Variants in FAM149B1 observed in about 807,000 individuals in gnomAD.
The protein encoded by FAM149B1 is primary cilium assembly protein FAM149B1.
FAM149B1 carries 56 observed loss-of-function variants against 75.3 expected under a neutral mutation model. The observed-to-expected ratio is 0.74, with a 90% CI of 0.60 to 0.93. The LOEUF is 0.93. Ranked by LOEUF, FAM149B1 falls within the 40% of genes least tolerant of loss-of-function variation. The pLI is 0.00. For missense variants in FAM149B1, 639 were observed against 708.4 expected (o/e 0.90, Z 1.11); for synonymous variants, 259 against 256.1 (o/e 1.01, Z -0.11).
chr10:73,229,800 C>T (rs2043642231), intron 8 of FAM149B1, among the ~76,000 whole-genome samples: 1 of 152,138 alleles, frequency 6.6e-6, no homozygotes, highest in Non-Finnish European at 1.5e-5. Context: ...AAGGAAAATA[C>T]ATTCTGTGGC....
chr10:73,193,965 G>A (rs1368616942), intron 5 of FAM149B1, among the ~76,000 whole-genome samples: 1 of 152,094 alleles, frequency 6.6e-6, no homozygotes, highest in Non-Finnish European at 1.5e-5. Context: ...GCAGTACAGG[G>A]ACTCACATGG....
intron 12 of FAM149B1, among the ~76,000 whole-genome samples, chr10:73,238,199 T>C (rs1224068575): frequency 6.6e-6 from 1 of 151,842 alleles, no homozygotes; most frequent in African/African-American, 2.4e-5. Flanking sequence ...ACAAGAAAAT[T>C]AGCCAGGCAT....
intron 7 of FAM149B1, among the ~76,000 whole-genome samples, chr10:73,226,611 A>C (rs761099202): frequency 1.8e-4 from 27 of 152,198 alleles, no homozygotes; most frequent in Non-Finnish European, 1.6e-4. Flanking sequence ...TTTGAGCCTC[A>C]GTTTATCTAT....
At chr10:73,217,282 A>G (rs2043318243) in intron 7 of FAM149B1, among the ~76,000 whole-genome samples, 1 of 152,216 alleles carries the variant, frequency 6.6e-6, no homozygotes, top group Non-Finnish European at 1.5e-5. Context: ...GGAGGCATAC[A>G]TATTTTTTTC....
chr10:73,197,740 A>G (rs2042841361), intron 5 of FAM149B1, among the ~76,000 whole-genome samples: 1 of 152,070 alleles, frequency 6.6e-6, no homozygotes, highest in Admixed American at 6.6e-5. Context: ...ACTGCACTCC[A>G]GCCTGGTGAC....
chr10:73,199,230 G>GTTA (rs2042878483), intron 5 of FAM149B1, among the ~76,000 whole-genome samples: 1 of 151,624 alleles, frequency 6.6e-6, no homozygotes, highest in Non-Finnish European at 1.5e-5. Context: ...TGTTGTTGTT[G>GTTA]TTGTTGAGAT....
At chr10:73,230,642 G>A (rs2043669740) in intron 9 of FAM149B1, 117 bp downstream of exon 9, 1 of 637,326 alleles carries the variant, frequency 1.6e-6, no homozygotes, top group Non-Finnish European at 2.9e-6. Flanking sequence ...AAAACTCCTG[G>A]GGAGTAAAAC....
At chr10:73,223,845 T>TA (rs1353921953) in intron 7 of FAM149B1, among the ~76,000 whole-genome samples, 1 of 152,132 alleles carries the variant, frequency 6.6e-6, no homozygotes, top group Admixed American at 6.5e-5. Context: ...AGGTGGTAAT[T>TA]AAAAGTCCAG....
intron 2 of FAM149B1, 101 bp downstream of exon 2, chr10:73,174,892 CA>C (rs749187182): frequency 1.3e-6 from 1 of 755,614 alleles, no homozygotes; most frequent in Non-Finnish European, 2.2e-6. Context: ...CTAATGAAAA[CA>C]AAGCAAGAAT....
Position 73,241,494 on chromosome 10 carries a change from G to A in FAM149B1, c.*475G>A, listed in dbSNP as rs562280004. 2 of 166,874 alleles carry A rather than the reference G, an allele frequency of 1.2e-5. No individual in the cohort carries two copies. Among genetic ancestry groups the A allele is most frequent in the East Asian group, 1.7e-4 (1 of 5,952 alleles). The allele number at this position is 166,874 out of a possible 1,614,324, so 10.3% of individuals were successfully genotyped here. A position where few individuals can be genotyped will look rare whatever the true frequency, so the allele number is the denominator to read the frequency against. The stretch of plus-strand genomic sequence containing the variant: ...GTTGAAAATCTGACCTCATCAAATA[G>A]ATGTCATTCCTAAAACTCTCTTTAG... On this transcript the variant is annotated 3_prime_UTR_variant, in exon 14 of 14. Coordinates refer to ENST00000242505, the MANE Select transcript of FAM149B1 (RefSeq NM_173348.2).
intron 3 of FAM149B1, among the ~76,000 whole-genome samples, chr10:73,183,194 G>C (rs2042441961): frequency 6.6e-6 from 1 of 152,148 alleles, no homozygotes; most frequent in African/African-American, 2.4e-5. Context: ...TTTTTTATCT[G>C]ATTTCTTTAA....
At chr10:73,169,344 A>G (rs1284145951) in intron 1 of FAM149B1, among the ~76,000 whole-genome samples, 3 of 151,984 alleles carry the variant, frequency 2.0e-5, no homozygotes, top group Admixed American at 6.6e-5. Context: ...TAAATAAATA[A>G]TAAAAAAATA....
chr10:73,185,475 G>T (rs1192100645), intron 3 of FAM149B1, among the ~76,000 whole-genome samples: 2 of 152,162 alleles, frequency 1.3e-5, no homozygotes, highest in African/African-American at 2.4e-5. Context: ...CTTGAGCCTG[G>T]GAGGTCAAGG....
chr10:73,240,994 T>C lies in FAM149B1; in HGVS notation c.1724T>C (p.Val575Ala). 1 of 1,498,028 alleles carries C rather than the reference T, an allele frequency of 6.7e-7. No individual in the cohort carries two copies. The highest frequency in any genetic ancestry group is 8.8e-7 in the Non-Finnish European group (1 of 1,140,072). 92.8% of individuals were successfully genotyped at this position (1,498,028 alleles called of 1,614,324 possible). A position where few individuals can be genotyped will look rare whatever the true frequency, so the allele number is the denominator to read the frequency against. Residue 575 changes from valine (V) to alanine (A), a missense_variant, in exon 14 of 14, where the codon GTC (valine) becomes GCC (alanine). Coordinates refer to ENST00000242505, the MANE Select transcript of FAM149B1 (RefSeq NM_173348.2). The part of the protein sequence containing the change: ...STKSQSGGRP[V>A]SRTRQGP ...AAATCTCAAAGCGGAGGCAGACCAG[T>C]CTCTCGAACCAGGCAGGGACCATAA...
At chr10:73,169,138 AC>A in intron 1 of FAM149B1, 1 of 144,126 alleles carries the variant, frequency 6.9e-6, no homozygotes, top group South Asian at 2.3e-4. Flanking sequence ...ACATGGCGAA[AC>A]CCCATCTCTA....
rs2043945844 is a variant in FAM149B1, at chr10:73,241,216, T to C, written c.*197T>C. On this transcript the variant is annotated 3_prime_UTR_variant, in exon 14 of 14. Transcript: ENST00000242505. ...CATGAGTGTTGTTTCTATCTCCAGT[T>C]ACTGTCTCTTTCAGCAGAAATTAAC... 1.8e-6 allele frequency: 1 copy of C among 544,844 alleles called. No individual in the cohort carries two copies. The highest frequency in any genetic ancestry group is 2.0e-5 in the South Asian group (1 of 50,204). The allele number at this position is 544,844 out of a possible 1,614,324, so 33.8% of individuals were successfully genotyped here.
At position 73,168,285 on chromosome 10, in the gene FAM149B1, G is replaced by A. The variant is rs965450197; in HGVS notation, c.-55G>A. 7 of 1,541,698 alleles carry A rather than the reference G, an allele frequency of 4.5e-6. No individual in the cohort carries two copies. The highest frequency in any genetic ancestry group is 1.4e-5 in the African/African-American group (1 of 72,412). ...GGCCAGGCCCGGAGGCCCCCACCCT[G>A]GCGTGCCTGCCCCGGCCGCGGCTGA... is the stretch of plus-strand genomic sequence containing the variant. On this transcript the variant is annotated 5_prime_UTR_variant, in exon 1 of 14. Transcript: ENST00000242505.
At chr10:73,191,464 G>C (rs2042682505) in intron 3 of FAM149B1, among the ~76,000 whole-genome samples, 2 of 151,768 alleles carry the variant, frequency 1.3e-5, no homozygotes, top group African/African-American at 4.8e-5. Flanking sequence ...AGCCTCTCAA[G>C]TAACTGGGAT....
chr10:73,190,520 CAGAT>C (rs983241815), intron 3 of FAM149B1, among the ~76,000 whole-genome samples: 6 of 151,678 alleles, frequency 4.0e-5, no homozygotes, highest in African/African-American at 9.7e-5. Context: ...CACTCCCAGA[CAGAT>C]AGATATAATT....
Sources: allele counts gnomAD v4.1 joint callset (sites outside exome capture counted in the v4.1 genomes callset), GRCh38; gene constraint gnomAD v4.1.1; transcripts MANE v1.5; gene names NCBI Gene and HGNC (gene_info 2026-07-23, HGNC 2026-07-21).